RGS21: variants seen among roughly 807,000 people sequenced by gnomAD.
RGS21 encodes the protein regulator of G-protein signalling 21.
In RGS21, 19 loss-of-function variants were observed where a neutral mutation model predicts 18.7. That is an observed-to-expected ratio of 1.01 (90% CI 0.71 to 1.49). RGS21 has a LOEUF of 1.49. Among genes scored for constraint, RGS21 ranks in the 40% most tolerant of loss-of-function variants. The pLI, the probability that RGS21 is intolerant of heterozygous loss-of-function variation, is 0.00. For synonymous variants in RGS21, 56 were observed against 57.8 expected (o/e 0.97, Z 0.14); for missense variants, 194 against 176.8 (o/e 1.10, Z -0.55).
At chr1:192,339,255 A>C (rs1055122022) in intron 1 of RGS21, among the ~76,000 whole-genome samples, 1 of 151,982 alleles carries the variant, frequency 6.6e-6, no homozygotes, top group Admixed American at 6.6e-5. Flanking sequence ...TAGCACTTGC[A>C]TCAAGATAAA....
chr1:192,325,677 T>C (rs948251841), intron 1 of RGS21, among the ~76,000 whole-genome samples: 2 of 152,036 alleles, frequency 1.3e-5, no homozygotes, highest in African/African-American at 4.8e-5. Context: ...CTCATAGTGG[T>C]TTGATTTGCA....
chr1:192,348,203 T>G (rs1275818563), intron 3 of RGS21, among the ~76,000 whole-genome samples: 1 of 151,816 alleles, frequency 6.6e-6, no homozygotes, highest in African/African-American at 2.4e-5. Context: ...TATGTGTATT[T>G]TTAGTAGAGA....
intron 1 of RGS21, among the ~76,000 whole-genome samples, chr1:192,338,009 A>C (rs1261901186): frequency 6.6e-6 from 1 of 152,204 alleles, no homozygotes; most frequent in Non-Finnish European, 1.5e-5. Context: ...AACACAAAGA[A>C]AATACATTTA....
intron 1 of RGS21, among the ~76,000 whole-genome samples, chr1:192,321,132 G>C (rs1658491873): frequency 6.6e-6 from 1 of 151,674 alleles, no homozygotes; most frequent in African/African-American, 2.4e-5. Context: ...TATATTAAAA[G>C]CTATTAATAA....
chr1:192,323,707 G>A (rs1344103099), intron 1 of RGS21, among the ~76,000 whole-genome samples: 1 of 152,026 alleles, frequency 6.6e-6, no homozygotes, highest in Non-Finnish European at 1.5e-5. Flanking sequence ...CTCAGAAGAA[G>A]GGTTGAACTG....
Position 192,337,953 on chromosome 1 carries a change from A to C in RGS21, c.-60-5024A>C, listed in dbSNP as rs193171036. ...AACTTCTAAATATTTTATTTTACTA[A>C]GGCAGATATTTCTTTGACTATCAAT... On this transcript the variant is annotated intron_variant, in intron 1 of 4. Transcript: ENST00000417209. Among the ~76,000 whole-genome samples the C allele has an allele frequency of 3.2e-4, 49 of 152,286 alleles. No individual in the cohort carries two copies. In the Middle Eastern group the frequency reaches 0.014, roughly 43 times the overall value.
At chr1:192,352,292 A>G in intron 4 of RGS21, 79 bp downstream of exon 4, 4 of 999,062 alleles carry the variant, frequency 4.0e-6, no homozygotes, top group South Asian at 2.4e-5. Context: ...AAATCCATCT[A>G]AAAGATAATC....
chr1:192,347,461 A>G (rs1441215430), intron 3 of RGS21, 72 bp downstream of exon 3: 2 of 764,092 alleles, frequency 2.6e-6, no homozygotes. Context: ...AAAGTTGGTA[A>G]CATATCATAA....
intron 4 of RGS21, among the ~76,000 whole-genome samples, chr1:192,361,616 G>A (rs1420393431): frequency 1.3e-5 from 2 of 152,080 alleles, no homozygotes; most frequent in Non-Finnish European, 2.9e-5. Context: ...CATGATCACG[G>A]CTGACTGCAA....
Position 192,366,096 on chromosome 1 carries a change from A to T in RGS21, c.431A>T (p.Asn144Ile), listed in dbSNP as rs763448794. 5 of 1,609,032 alleles carry T rather than the reference A, an allele frequency of 3.1e-6. No individual in the cohort carries two copies. The East Asian group carries it at 9.0e-5, about 29-fold the overall frequency. The change falls in exon 5 of 5, where the codon AAT (asparagine) becomes ATT (isoleucine). Residue 144 changes from asparagine to isoleucine, a missense_variant. Asn to Ile is a moderately radical substitution (Grantham distance 149, BLOSUM62 -3). Transcript: ENST00000417209. ...CTGGTAAATAGCCAACAGGTTCCAA[A>T]TCATAAAAAATGGCTCCCTTTTTTG... is the stretch of plus-strand genomic sequence containing the variant. ...KKLVNSQQVP[N>I]HKKWLPFL
intron 1 of RGS21, among the ~76,000 whole-genome samples, chr1:192,323,178 T>C (rs1658519524): frequency 6.6e-6 from 1 of 152,150 alleles, no homozygotes. Flanking sequence ...AAGTTTGAGA[T>C]GAAGAAAGTG....
intron 3 of RGS21, among the ~76,000 whole-genome samples, chr1:192,350,672 G>C (rs1459104570): frequency 1.3e-5 from 2 of 152,172 alleles, no homozygotes; most frequent in Non-Finnish European, 2.9e-5. Flanking sequence ...CTCAAAAATA[G>C]AGACAGCCAG....
In RGS21 at chr1:192,319,447, T is replaced by G. The variant is rs1571445695; in HGVS notation, c.-61+2342T>G. 2.6e-5 allele frequency among the ~76,000 whole-genome samples: 4 copies of G among 152,264 alleles called. No homozygotes were observed. In the South Asian group the frequency reaches 8.3e-4, roughly 32 times the overall value. On this transcript the variant is annotated intron_variant, in intron 1 of 4. Transcript: ENST00000417209. ...AGAAAACAAACAAGCAAATAAAAAT[T>G]GATATTTGGAAAGAATTTTACATGC...
chr1:192,333,157 C>A (rs1286689976), intron 1 of RGS21, among the ~76,000 whole-genome samples: 1 of 151,872 alleles, frequency 6.6e-6, no homozygotes, highest in Non-Finnish European at 1.5e-5. Flanking sequence ...ATAAAAATGT[C>A]TTTAATGACA....
chr1:192,330,010 C>A, intron 1 of RGS21, among the ~76,000 whole-genome samples: 1 of 152,050 alleles, frequency 6.6e-6, no homozygotes. Context: ...TTTTATATTT[C>A]TACGTCCAAC....
chr1:192,334,615 A>G (rs1024940443), intron 1 of RGS21, among the ~76,000 whole-genome samples: 2 of 152,088 alleles, frequency 1.3e-5, no homozygotes, highest in Non-Finnish European at 2.9e-5. Flanking sequence ...CACAAAAAAC[A>G]CAGAAAAACA....
intron 1 of RGS21, among the ~76,000 whole-genome samples, chr1:192,340,486 A>G (rs1437150736): frequency 6.6e-6 from 1 of 152,102 alleles, no homozygotes; most frequent in Non-Finnish European, 1.5e-5. Context: ...ATTTATGCCT[A>G]TTTTATTACT....
chr1:192,317,649 T>C (rs957604286), intron 1 of RGS21, among the ~76,000 whole-genome samples: 1 of 151,984 alleles, frequency 6.6e-6, no homozygotes, highest in Non-Finnish European at 1.5e-5. Flanking sequence ...ATTACTATTT[T>C]TATGTCTTTA....
chr1:192,333,275 C>T (rs2102225906), intron 1 of RGS21, among the ~76,000 whole-genome samples: 1 of 149,822 alleles, frequency 6.7e-6, no homozygotes, highest in South Asian at 2.1e-4. Flanking sequence ...TAAATACACA[C>T]ACACACACAC....
Sources: allele counts gnomAD v4.1 joint callset (sites outside exome capture counted in the v4.1 genomes callset), GRCh38; gene constraint gnomAD v4.1.1; transcripts MANE v1.5; gene names NCBI Gene and HGNC (gene_info 2026-07-23, HGNC 2026-07-21).